The following PRR5 variants were observed in gnomAD, a reference collection of about 807,000 sequenced individuals.
PRR5 encodes the protein proline-rich protein 5.
In PRR5, 25 loss-of-function variants were observed where a neutral mutation model predicts 30.6. That is an observed-to-expected ratio of 0.82 (90% CI 0.60 to 1.14). The LOEUF (loss-of-function observed/expected upper bound fraction) is 1.14. Ranked by LOEUF, PRR5 falls within the 50% of genes most tolerant of loss-of-function variation. PRR5 has a pLI of 0.00. For synonymous variants in PRR5, 286 were observed against 247.1 expected (o/e 1.16, Z -1.48); for missense variants, 600 against 547.1 (o/e 1.10, Z -0.96).
chr22:44,725,119 A>G, intron 2 of PRR5, 125 bp from the exon 3 acceptor site: 3 of 1,421,638 alleles, frequency 2.1e-6, no homozygotes, highest in African/African-American at 1.4e-5. Context: ...TCCACTACCC[A>G]TGTTTTTGGG....
chr22:44,682,280 G>A (rs905287642), intron 1 of PRR5, among the ~76,000 whole-genome samples: 1 of 152,230 alleles, frequency 6.6e-6, no homozygotes, highest in Admixed American at 6.5e-5. Flanking sequence ...GAGCTCAGGT[G>A]AATTTCCTCC....
intron 1 of PRR5, among the ~76,000 whole-genome samples, chr22:44,705,769 C>T (rs1473100450): frequency 1.3e-5 from 2 of 151,936 alleles, no homozygotes; most frequent in African/African-American, 2.4e-5. Context: ...GGATTACAGG[C>T]GTGCACCACC....
At chr22:44,717,359 T>G (rs1010211231) in intron 2 of PRR5, among the ~76,000 whole-genome samples, 1 of 151,488 alleles carries the variant, frequency 6.6e-6, no homozygotes, top group Non-Finnish European at 1.5e-5. Flanking sequence ...GCCTGGCTAA[T>G]TTTTATATTT....
chr22:44,717,287 G>A lies in PRR5; in HGVS notation c.215+2616G>A, dbSNP rs944459093. The stretch of plus-strand genomic sequence containing the variant: ...GCTCACTGCGACCTCCGCCTCCCGG[G>A]TTCAAGCGATTCTCCTGCCTCGGCC... On this transcript the variant is annotated intron_variant, in intron 2 of 7. Coordinates refer to ENST00000336985, the MANE Select transcript of PRR5 (RefSeq NM_181333.4). Among the ~76,000 whole-genome samples, 3 of 150,684 alleles carry A rather than the reference G, an allele frequency of 2.0e-5. No homozygotes were observed. In the East Asian group the frequency reaches 5.9e-4, roughly 30 times the overall value.
intron 4 of PRR5, chr22:44,731,513 A>C: frequency 1.7e-6 from 1 of 590,284 alleles, no homozygotes; most frequent in East Asian, 2.8e-5. Flanking sequence ...CAATCCCTTT[A>C]CTGCCACATT....
At chr22:44,728,851 G>A (rs964692326) in intron 4 of PRR5, among the ~76,000 whole-genome samples, 1 of 152,206 alleles carries the variant, frequency 6.6e-6, no homozygotes, top group African/African-American at 2.4e-5. Context: ...AGCCTCCAGG[G>A]AGGCCTTGGA....
At chr22:44,734,978 A>C in intron 6 of PRR5, 49 bp from the exon 7 acceptor site, 2 of 1,573,132 alleles carry the variant, frequency 1.3e-6, no homozygotes, top group Non-Finnish European at 1.7e-6. Flanking sequence ...GCCTGGAGCC[A>C]CCAAGCTCGG....
chr22:44,734,895 C>T lies in PRR5; in HGVS notation c.556-132C>T, dbSNP rs1315708033. ...GCCACCGTGGGCCCTGCCATGGGGA[C>T]AGAGAGCCTGTGGGAATGGGGAGGC... On this transcript the variant is annotated intron_variant, in intron 6 of 7. Coordinates refer to ENST00000336985, the MANE Select transcript of PRR5 (RefSeq NM_181333.4). 2.3e-6 allele frequency: 3 copies of T among 1,303,824 alleles called. No individual in the cohort carries two copies. The East Asian group carries it at 7.1e-5, about 31-fold the overall frequency. 80.8% of individuals were successfully genotyped at this position (1,303,824 alleles called of 1,614,324 possible). A position where few individuals can be genotyped will look rare whatever the true frequency, so the allele number is the denominator to read the frequency against.
At chr22:44,685,164 G>T (rs202104856) in intron 1 of PRR5, among the ~76,000 whole-genome samples, 1 of 152,166 alleles carries the variant, frequency 6.6e-6, no homozygotes, top group East Asian at 1.9e-4. Context: ...TCTGCCCCAG[G>T]TCGGAGGGTA....
intron 1 of PRR5, among the ~76,000 whole-genome samples, chr22:44,696,171 G>A (rs903203627): frequency 4.6e-5 from 7 of 151,912 alleles, no homozygotes; most frequent in African/African-American, 1.2e-4. Context: ...TGATCCACCC[G>A]CCTCAGCCTC....
intron 1 of PRR5, among the ~76,000 whole-genome samples, chr22:44,686,218 T>C (rs1306106953): frequency 6.6e-6 from 1 of 151,742 alleles, no homozygotes; most frequent in Non-Finnish European, 1.5e-5. Context: ...ACCACTGCAC[T>C]CCAGCCTGGG....
chr22:44,694,372 T>C (rs1477074299), intron 1 of PRR5, among the ~76,000 whole-genome samples: 1 of 152,188 alleles, frequency 6.6e-6, no homozygotes, highest in African/African-American at 2.4e-5. Flanking sequence ...ACCCCATCTC[T>C]ACTAAAAATA....
intron 6 of PRR5, among the ~76,000 whole-genome samples, chr22:44,732,945 G>GCGCACGCACA (rs1569112026): frequency 4.1e-4 from 41 of 100,908 alleles, no homozygotes; most frequent in African/African-American, 1.1e-3. Context: ...CTACACACGT[G>GCGCACGCACA]TGCACACATA....
rs1268306422 is a variant in PRR5, at chr22:44,702,414, GGCGTGGC to G, written c.-58_-52del. On this transcript the variant is annotated 5_prime_UTR_variant, in exon 1 of 8. Coordinates refer to ENST00000336985, the MANE Select transcript of PRR5 (RefSeq NM_181333.4). ...ATCGCCGGCCCGGGGCCCTTGGTGC[GGCGTGGC>G]GCAGGGCGCGGCGTGGGGCGCGCGT... 2.4e-6 allele frequency: 3 copies of G among 1,240,006 alleles called. No homozygotes were observed. In the East Asian group the frequency reaches 1.0e-4, roughly 42 times the overall value. The allele number at this position is 1,240,006 out of a possible 1,614,324, so 76.8% of individuals were successfully genotyped here.
upstream of PRR5, among the ~76,000 whole-genome samples, chr22:44,676,363 C>T (rs1172641870): frequency 7.8e-6 from 1 of 128,118 alleles, no homozygotes; most frequent in African/African-American, 3.1e-5. Context: ...TGCTTTTCAG[C>T]CTGGGCAACA....
chr22:44,699,602 C>G (rs983549410), upstream of PRR5, among the ~76,000 whole-genome samples: 1 of 152,238 alleles, frequency 6.6e-6, no homozygotes, highest in Non-Finnish European at 1.5e-5. Flanking sequence ...ATGAAGCACC[C>G]AGTCTGTGCT....
chr22:44,693,676 T>C (rs77741671), intron 1 of PRR5, among the ~76,000 whole-genome samples: 4,433 of 139,966 alleles, frequency 0.032, 116 homozygotes, highest in Middle Eastern at 0.048. Context: ...TAGGCTGGAG[T>C]GCAGGCTCAG....
chr22:44,721,731 G>A (rs942048569), intron 2 of PRR5, among the ~76,000 whole-genome samples: 1 of 152,172 alleles, frequency 6.6e-6, no homozygotes, highest in Admixed American at 6.5e-5. Flanking sequence ...ATGGATCTCA[G>A]GCCACAGACA....
In PRR5 at chr22:44,707,935, G is replaced by A. The variant is rs137907055; in HGVS notation, c.134+5327G>A. ...AGGCCCAGGCAGGCAGTTGTAGTGC[G>A]TGGCCCCAAGATGCCAGCCTCGTGC... On this transcript the variant is annotated intron_variant, in intron 1 of 7. Transcript: ENST00000336985. Among the ~76,000 whole-genome samples, 500 of 152,272 alleles carry A rather than the reference G, an allele frequency of 3.3e-3. 5 individuals carry two copies. Among genetic ancestry groups the A allele is most frequent in the African/African-American group, 0.011 (447 of 41,560 alleles).
Sources: gnomAD v4.1 joint callset for allele counts (sites outside exome capture counted in the v4.1 genomes callset) on GRCh38, gnomAD v4.1.1 for gene constraint, MANE v1.5 for transcripts, NCBI Gene and HGNC (gene_info 2026-07-23, HGNC 2026-07-21) for gene names.